Variants in PLIN3 observed in about 807,000 individuals in gnomAD.
PLIN3 encodes the protein perilipin-3.
A neutral mutation model predicts 35.9 loss-of-function variants in PLIN3; 30 were observed. That is an observed-to-expected ratio of 0.84 (90% confidence interval 0.62 to 1.13). The LOEUF (loss-of-function observed/expected upper bound fraction) is 1.13. Among genes scored for constraint, PLIN3 ranks in the 50% most tolerant of loss-of-function variants. The pLI is 0.00. For synonymous variants in PLIN3, 261 were observed against 262.5 expected (o/e 0.99, Z 0.06); for missense variants, 603 against 596.9 (o/e 1.01, Z -0.11).
intron 4 of PLIN3, among the ~76,000 whole-genome samples, chr19:4,854,066 G>A (rs939282732): frequency 2.0e-5 from 3 of 151,856 alleles, no homozygotes; most frequent in Non-Finnish European, 4.4e-5. Flanking sequence ...CCAAGTAGCT[G>A]AGACTACAGG....
At chr19:4,857,290 T>C (rs992954082) in intron 4 of PLIN3, among the ~76,000 whole-genome samples, 3 of 151,766 alleles carry the variant, frequency 2.0e-5, no homozygotes, top group Admixed American at 6.6e-5. Flanking sequence ...GTACAAAAAT[T>C]AGCCAGGCGT....
Position 4,860,032 on chromosome 19 carries a change from A to C in PLIN3, c.67-8T>G. ...ACGGTCCACCACACTGGGCTACAGGAGAGAAGTGGCTCAGGCAAACTGGGT... is the reference window on the plus strand; with the variant it reads ...ACGGTCCACCACACTGGGCTACAGGCGAGAAGTGGCTCAGGCAAACTGGGT... On this transcript the variant is annotated splice_polypyrimidine_tract_variant and splice_region_variant and intron_variant, in intron 2 of 7. Coordinates refer to ENST00000221957, the MANE Select transcript of PLIN3 (RefSeq NM_005817.5). 4 of 1,613,746 alleles carry C rather than the reference A, an allele frequency of 2.5e-6. No individual in the cohort carries two copies. Among genetic ancestry groups the C allele is most frequent in the Non-Finnish European group, 3.4e-6 (4 of 1,179,866 alleles).
At chr19:4,858,344 G>T (rs1475899328) in intron 4 of PLIN3, among the ~76,000 whole-genome samples, 11 of 150,920 alleles carry the variant, frequency 7.3e-5, no homozygotes, top group African/African-American at 2.7e-4. Flanking sequence ...CCCAGCTGCT[G>T]AGGGGCAGGA....
chr19:4,854,310 C>T (rs986553733), intron 4 of PLIN3, among the ~76,000 whole-genome samples: 1 of 152,128 alleles, frequency 6.6e-6, no homozygotes, highest in Admixed American at 6.6e-5. Context: ...CATTCCTACC[C>T]AAGTTGGTGC....
intron 4 of PLIN3, among the ~76,000 whole-genome samples, chr19:4,858,536 C>G (rs1436375171): frequency 6.6e-6 from 1 of 150,706 alleles, no homozygotes; most frequent in Non-Finnish European, 1.5e-5. Context: ...CGCCACCACG[C>G]CAAGCTAATT....
intron 7 of PLIN3, among the ~76,000 whole-genome samples, chr19:4,842,823 C>G (rs1013665545): frequency 1.3e-5 from 2 of 152,064 alleles, no homozygotes; most frequent in Admixed American, 1.3e-4. Context: ...AGTTCTGCCT[C>G]CCGAACAATT....
At chr19:4,859,780 G>A (rs1334524792) in intron 3 of PLIN3, 46 bp downstream of exon 3, 1 of 1,605,144 alleles carries the variant, frequency 6.2e-7, no homozygotes, top group African/African-American at 1.3e-5. Context: ...CCCACCCAGG[G>A]AAATGACCAG....
intron 1 of PLIN3, among the ~76,000 whole-genome samples, chr19:4,866,355 G>A (rs1568383413): frequency 6.6e-6 from 1 of 152,106 alleles, no homozygotes; most frequent in Non-Finnish European, 1.5e-5. Flanking sequence ...AACTCACTAG[G>A]AATAGGAGTT....
intron 6 of PLIN3, among the ~76,000 whole-genome samples, chr19:4,845,447 C>CA (rs991205636): frequency 2.0e-5 from 3 of 150,948 alleles, no homozygotes; most frequent in South Asian, 2.1e-4. Context: ...AAACAAAAAA[C>CA]AAAAAAAAGT....
In PLIN3 at chr19:4,852,077, C is replaced by G. The variant is rs199845239; in HGVS notation, c.573G>C (p.Thr191=). ...LGQMVLSGVD[T]VLGKSEEWAD... ...CCCACTCCTCCGACTTCCCCAGCAC[C>G]GTGTCGACCCCACTCAACACCATCT... is the stretch of plus-strand genomic sequence containing the variant. Residue 191 remains threonine (T), a synonymous_variant, in exon 5 of 8, where the codon ACG becomes ACC. Coordinates refer to ENST00000221957, the MANE Select transcript of PLIN3 (RefSeq NM_005817.5). The G allele has an allele frequency of 6.6e-4, 1,066 of 1,613,942 alleles. 15 individuals are homozygous for G. In the Admixed American group the frequency reaches 0.016, roughly 24 times the overall value.
intron 4 of PLIN3, among the ~76,000 whole-genome samples, chr19:4,853,772 C>G (rs2030382324): frequency 6.6e-6 from 1 of 151,692 alleles, no homozygotes; most frequent in Admixed American, 6.6e-5. Context: ...GAGACTGCAC[C>G]ACTGCACTCC....
chr19:4,857,851 C>G (rs2146211289), intron 4 of PLIN3, among the ~76,000 whole-genome samples: 1 of 152,054 alleles, frequency 6.6e-6, no homozygotes, highest in East Asian at 1.9e-4. Context: ...TGGCACATGT[C>G]TGTAATCCCA....
At chr19:4,852,421 A>T in intron 4 of PLIN3, 120 bp from the exon 5 acceptor site, 1 of 1,209,938 alleles carries the variant, frequency 8.3e-7, no homozygotes, top group Non-Finnish European at 1.1e-6. Context: ...TGACCCCAGC[A>T]TCTCCGTCTT....
chr19:4,861,289 C>A (rs1223907969), intron 2 of PLIN3, 40 bp downstream of exon 2: 1 of 1,575,694 alleles, frequency 6.3e-7, no homozygotes, highest in South Asian at 1.1e-5. Context: ...GCACGGGAAT[C>A]ACAGGGTCGG....
chr19:4,855,362 C>T (rs886406281), intron 4 of PLIN3, among the ~76,000 whole-genome samples: 16 of 151,856 alleles, frequency 1.1e-4, no homozygotes, highest in African/African-American at 3.4e-4. Flanking sequence ...TGGCCTCCTA[C>T]GCTATCAGTG....
chr19:4,842,470 G>C (rs1230160923), intron 7 of PLIN3, among the ~76,000 whole-genome samples: 1 of 151,324 alleles, frequency 6.6e-6, no homozygotes, highest in African/African-American at 2.4e-5. Flanking sequence ...CGTGGTGGCA[G>C]GTGCCTGTAG....
chr19:4,842,915 T>C (rs986527039), intron 7 of PLIN3, among the ~76,000 whole-genome samples: 3 of 152,156 alleles, frequency 2.0e-5, no homozygotes, highest in African/African-American at 7.2e-5. Context: ...TGATCTCATT[T>C]CAGTTTTTAA....
At chr19:4,843,462 T>C (rs977638496) in intron 7 of PLIN3, among the ~76,000 whole-genome samples, 1 of 151,140 alleles carries the variant, frequency 6.6e-6, no homozygotes, top group Non-Finnish European at 1.5e-5. Context: ...GAGCTGAGAT[T>C]ACACCACTGC....
chr19:4,857,335 T>A (rs1289426750), intron 4 of PLIN3, among the ~76,000 whole-genome samples: 1 of 151,940 alleles, frequency 6.6e-6, no homozygotes, highest in Admixed American at 6.6e-5. Context: ...CTCAGGAGGC[T>A]GAGGCAGGAG....
Sources: allele counts gnomAD v4.1 joint callset (sites outside exome capture counted in the v4.1 genomes callset), GRCh38; gene constraint gnomAD v4.1.1; transcripts MANE v1.5; gene names NCBI Gene and HGNC (gene_info 2026-07-23, HGNC 2026-07-21).